The following CADPS2 variants were observed in gnomAD, a reference collection of about 807,000 sequenced individuals.
CADPS2 encodes the protein calcium-dependent secretion activator 2.
CADPS2 carries 93 observed loss-of-function variants against 172.5 expected under a neutral mutation model. The observed-to-expected ratio is 0.54, with a 90% CI of 0.46 to 0.64. The LOEUF (loss-of-function observed/expected upper bound fraction) is 0.64, where lower values mean the gene tolerates loss of function less well. CADPS2 is among the 30% of genes least tolerant of loss of function. The pLI is 0.00. For missense variants in CADPS2, 1,420 were observed against 1,565.9 expected, an observed-to-expected ratio of 0.91 and a Z score of 1.57; for synonymous variants, 546 against 555.2, an observed-to-expected ratio of 0.98 and a Z score of 0.23.
intron 6 of CADPS2, among the ~76,000 whole-genome samples, chr7:122,599,905 C>T (rs952798508): frequency 6.6e-6 from 1 of 152,000 alleles, no homozygotes; most frequent in Non-Finnish European, 1.5e-5. Flanking sequence ...ACACTGTTTC[C>T]TATCTAATTA....
intron 8 of CADPS2, among the ~76,000 whole-genome samples, chr7:122,522,462 T>C (rs1364178789): frequency 6.6e-6 from 1 of 152,188 alleles, no homozygotes; most frequent in Admixed American, 6.5e-5. Context: ...TACATGTTTA[T>C]GGGATACATG....
intron 20 of CADPS2, among the ~76,000 whole-genome samples, chr7:122,400,278 A>G (rs1223037090): frequency 6.6e-6 from 1 of 151,766 alleles, no homozygotes; most frequent in Non-Finnish European, 1.5e-5. Flanking sequence ...TCTACCAAAA[A>G]TACAAAAAAT....
intron 2 of CADPS2, among the ~76,000 whole-genome samples, chr7:122,695,360 T>A (rs2084934955): frequency 6.6e-6 from 1 of 152,216 alleles, no homozygotes; most frequent in Non-Finnish European, 1.5e-5. Context: ...TGACAAGATA[T>A]GTTTGCATCA....
At chr7:122,407,481 C>T in intron 20 of CADPS2, 59 bp downstream of exon 20, 1 of 1,534,372 alleles carries the variant, frequency 6.5e-7, no homozygotes, top group Non-Finnish European at 8.9e-7. Context: ...AATACATTCA[C>T]ATTCAACATT....
chr7:122,424,370 C>T lies in CADPS2; in HGVS notation c.2477-8206G>A, dbSNP rs543377647. 57 of 982,382 alleles carry T rather than the reference C, an allele frequency of 5.8e-5. 1 individual carries two copies. The South Asian group carries it at 2.4e-3, about 41-fold the overall frequency. 60.9% of individuals were successfully genotyped at this position (982,382 alleles called of 1,614,324 possible). On this transcript the variant is annotated intron_variant, in intron 17 of 29. Transcript: ENST00000449022. ...CTGTAAATTCATTGTAAGCCTATGG[C>T]CAGCTGTTGAACAAAGGAGAATTGG... is the stretch of plus-strand genomic sequence containing the variant.
intron 2 of CADPS2, among the ~76,000 whole-genome samples, chr7:122,666,117 T>C (rs1334694021): frequency 1.3e-5 from 2 of 152,188 alleles, no homozygotes; most frequent in Non-Finnish European, 2.9e-5. Context: ...TTATATGCAA[T>C]TTAAAATTAT....
chr7:122,501,273 C>T (rs546147243), intron 9 of CADPS2, among the ~76,000 whole-genome samples: 3 of 151,684 alleles, frequency 2.0e-5, no homozygotes, highest in African/African-American at 7.3e-5. Flanking sequence ...ACAAAAAAAA[C>T]ATTATTACAT....
chr7:122,444,509 C>G (rs948987344), intron 15 of CADPS2, among the ~76,000 whole-genome samples: 3 of 152,092 alleles, frequency 2.0e-5, no homozygotes, highest in Non-Finnish European at 4.4e-5. Flanking sequence ...TTAACTATAC[C>G]ACTAAGTATG....
At chr7:122,737,771 G>A (rs377263393) in intron 1 of CADPS2, among the ~76,000 whole-genome samples, 4 of 151,918 alleles carry the variant, frequency 2.6e-5, no homozygotes, top group African/African-American at 2.4e-5. Context: ...ATACAAAATC[G>A]CCAGCTGTTC....
At chr7:122,814,071 T>G (rs1332310231) in intron 1 of CADPS2, among the ~76,000 whole-genome samples, 1 of 151,914 alleles carries the variant, frequency 6.6e-6, no homozygotes, top group East Asian at 1.9e-4. Context: ...TGAGAAAAAT[T>G]TCAGTAACTT....
At chr7:122,589,209 A>T (rs2070316632) in intron 6 of CADPS2, among the ~76,000 whole-genome samples, 1 of 152,020 alleles carries the variant, frequency 6.6e-6, no homozygotes, top group African/African-American at 2.4e-5. Context: ...TACCAAGTAG[A>T]CACAATATCC....
At chr7:122,787,061 T>A (rs940484766) in intron 1 of CADPS2, among the ~76,000 whole-genome samples, 2 of 152,132 alleles carry the variant, frequency 1.3e-5, no homozygotes, top group African/African-American at 4.8e-5. Context: ...ACCACTATTT[T>A]CAACCCTTTC....
Position 122,834,233 on chromosome 7 carries a change from A to G in CADPS2, c.339+51766T>C, listed in dbSNP as rs189900796. ...TTCAATGGAAAATAACTAAAATTCA[A>G]AGCCTAACCTTTGGGAAATTACCCT... On this transcript the variant is annotated intron_variant, in intron 1 of 29. Coordinates refer to ENST00000449022, the MANE Select transcript of CADPS2 (RefSeq NM_017954.11). 4.2e-4 allele frequency among the ~76,000 whole-genome samples: 64 copies of G among 152,330 alleles called. 1 individual carries two copies. Among genetic ancestry groups the G allele is most frequent in the Non-Finnish European group, 7.1e-4 (48 of 68,030 alleles).
rs188679221 is a variant in CADPS2, at chr7:122,778,857, C to A, written c.340-41789G>T. On this transcript the variant is annotated intron_variant, in intron 1 of 29. Coordinates refer to ENST00000449022, the MANE Select transcript of CADPS2 (RefSeq NM_017954.11). ...TGACGACATGAAACTTGGGAGGGAC[C>A]AGGGGTGGAATGATACAGTTTGGCT... Among the ~76,000 whole-genome samples, 183 of 152,274 alleles carry A rather than the reference C, an allele frequency of 1.2e-3. 1 individual carries two copies. Among genetic ancestry groups the A allele is most frequent in the East Asian group, 0.011 (58 of 5,182 alleles).
chr7:122,527,609 AGAGAGAGAGTGTGTGT>A (rs1221983158), intron 8 of CADPS2, among the ~76,000 whole-genome samples: 3 of 120,766 alleles, frequency 2.5e-5, no homozygotes, highest in African/African-American at 9.6e-5. Context: ...AGAGAGAGAG[AGAGAGAGAGTGTGTGT>A]GTGTGTGTGT....
At chr7:122,504,534 C>T (rs956073663) in intron 9 of CADPS2, among the ~76,000 whole-genome samples, 1 of 151,894 alleles carries the variant, frequency 6.6e-6, no homozygotes, top group Non-Finnish European at 1.5e-5. Flanking sequence ...ACTTGGCTTT[C>T]CCCACCCCTA....
At chr7:122,833,058 G>T (rs1807087072) in intron 1 of CADPS2, among the ~76,000 whole-genome samples, 1 of 152,164 alleles carries the variant, frequency 6.6e-6, no homozygotes, top group Admixed American at 6.5e-5. Flanking sequence ...AAAAAAGATA[G>T]ATTCACTATC....
intron 14 of CADPS2, among the ~76,000 whole-genome samples, chr7:122,454,567 C>A (rs1158906140): frequency 6.6e-6 from 1 of 152,012 alleles, no homozygotes; most frequent in Non-Finnish European, 1.5e-5. Context: ...AAGGTGGAGA[C>A]GTTAAAAACC....
At chr7:122,510,006 T>C (rs2059902246) in intron 9 of CADPS2, among the ~76,000 whole-genome samples, 1 of 152,104 alleles carries the variant, frequency 6.6e-6, no homozygotes, top group Non-Finnish European at 1.5e-5. Context: ...AAATATAGAA[T>C]GAAGTAATAA....
Sources: gnomAD v4.1 joint callset for allele counts (sites outside exome capture counted in the v4.1 genomes callset) on GRCh38, gnomAD v4.1.1 for gene constraint, MANE v1.5 for transcripts, NCBI Gene and HGNC (gene_info 2026-07-23, HGNC 2026-07-21) for gene names.